Variants in SLC4A4 observed in about 807,000 individuals in gnomAD.
SLC4A4 encodes solute carrier family 4 member 4.
SLC4A4 carries 27 observed loss-of-function variants against 111.5 expected under a neutral mutation model. The observed-to-expected ratio is 0.24, with a 90% CI of 0.18 to 0.33. The LOEUF (loss-of-function observed/expected upper bound fraction) is 0.33, where lower values mean the gene tolerates loss of function less well. Among genes scored for constraint, SLC4A4 ranks in the 10% least tolerant of loss-of-function variants. The pLI is 1.00. For synonymous variants in SLC4A4, 443 were observed against 463.4 expected, an observed-to-expected ratio of 0.96 and a Z score of 0.57; for missense variants, 909 against 1,315.5, an observed-to-expected ratio of 0.69 and a Z score of 4.78.
rs1330249259 is a variant in SLC4A4, at chr4:71,568,287, CTT to C, written c.*538_*539del. The C allele has an allele frequency of 5.9e-6, 1 of 169,476 alleles. No individual in the cohort carries two copies. Among genetic ancestry groups the C allele is most frequent in the Non-Finnish European group, 1.2e-5 (1 of 80,128 alleles). 10.5% of individuals were successfully genotyped at this position (169,476 alleles called of 1,614,324 possible). On this transcript the variant is annotated 3_prime_UTR_variant, in exon 26 of 26. Transcript: ENST00000264485. The stretch of plus-strand genomic sequence containing the variant: ...TTTGGAGCTGTGCTTACTGGCTTGT[CTT>C]TGTCTGGTAGAACAAACCTTGACCT...
chr4:71,272,053 C>T (rs1324961885), intron 3 of SLC4A4, among the ~76,000 whole-genome samples: 1 of 152,212 alleles, frequency 6.6e-6, no homozygotes, highest in Non-Finnish European at 1.5e-5. Flanking sequence ...CCTCACCATT[C>T]TATTCATGCT....
At chr4:71,406,738 C>T (rs1469464943) in intron 7 of SLC4A4, among the ~76,000 whole-genome samples, 1 of 149,978 alleles carries the variant, frequency 6.7e-6, no homozygotes, top group Non-Finnish European at 1.5e-5. Context: ...AGATGACATT[C>T]CTGACTAATC....
chr4:71,403,809 C>T (rs954337905), intron 7 of SLC4A4, among the ~76,000 whole-genome samples: 6 of 152,108 alleles, frequency 3.9e-5, no homozygotes, highest in Non-Finnish European at 5.9e-5. Context: ...AAAAAGCTCA[C>T]TGGAGATGCA....
intron 6 of SLC4A4, among the ~76,000 whole-genome samples, chr4:71,361,273 C>G (rs1365953149): frequency 6.6e-6 from 1 of 152,198 alleles, no homozygotes; most frequent in Non-Finnish European, 1.5e-5. Context: ...ACATCCACTA[C>G]CAGCACACTA....
intron 19 of SLC4A4, 114 bp downstream of exon 19, chr4:71,546,642 A>G: frequency 2.2e-6 from 2 of 922,914 alleles, no homozygotes; most frequent in Non-Finnish European, 1.7e-6. Context: ...TGATTAATTT[A>G]TTCCTATATT....
chr4:71,170,729 T>C (rs916588844), intron 2 of SLC4A4, among the ~76,000 whole-genome samples: 2 of 152,176 alleles, frequency 1.3e-5, no homozygotes, highest in African/African-American at 4.8e-5. Flanking sequence ...AAGAAACATA[T>C]ACCAAAAGCC....
At chr4:71,424,985 T>TAAA (rs1401846892) in intron 7 of SLC4A4, among the ~76,000 whole-genome samples, 33 of 151,498 alleles carry the variant, frequency 2.2e-4, no homozygotes, top group Non-Finnish European at 2.9e-5. Context: ...AAACTTAAAG[T>TAAA]ATAATAATAA....
At chr4:71,546,987 G>A (rs910788517) in intron 19 of SLC4A4, among the ~76,000 whole-genome samples, 1 of 151,972 alleles carries the variant, frequency 6.6e-6, no homozygotes, top group Non-Finnish European at 1.5e-5. Context: ...GCTGTGAAGG[G>A]CAGGAGTAGA....
At chr4:71,123,539 G>A (rs1743487657) in intron 2 of SLC4A4, among the ~76,000 whole-genome samples, 1 of 152,104 alleles carries the variant, frequency 6.6e-6, no homozygotes, top group African/African-American at 2.4e-5. Context: ...TTGTAGGGAA[G>A]AAGAGCTTTT....
intron 2 of SLC4A4, among the ~76,000 whole-genome samples, chr4:71,243,830 A>G (rs1720431136): frequency 6.6e-6 from 1 of 152,192 alleles, no homozygotes; most frequent in Admixed American, 6.6e-5. Flanking sequence ...CAATGTGTGT[A>G]CCTTTCTTCA....
chr4:71,457,045 C>T (rs1726333904), intron 12 of SLC4A4, among the ~76,000 whole-genome samples: 1 of 152,074 alleles, frequency 6.6e-6, no homozygotes, highest in South Asian at 2.1e-4. Flanking sequence ...TATTGTCAGG[C>T]TACAAATAGA....
chr4:71,501,210 G>C (rs190822406), intron 16 of SLC4A4, among the ~76,000 whole-genome samples: 1 of 151,936 alleles, frequency 6.6e-6, no homozygotes, highest in East Asian at 1.9e-4. Context: ...TTATTCTTTT[G>C]TAGCTATTGT....
intron 1 of SLC4A4, among the ~76,000 whole-genome samples, chr4:71,073,068 T>G (rs1316010043): frequency 3.3e-5 from 5 of 152,120 alleles, no homozygotes; most frequent in Admixed American, 3.3e-4. Context: ...TGCCCAGCCT[T>G]CCTTTGGATT....
intron 2 of SLC4A4, among the ~76,000 whole-genome samples, chr4:71,145,927 T>A (rs1043838519): frequency 1.4e-5 from 2 of 148,140 alleles, no homozygotes; most frequent in African/African-American, 2.4e-5. Context: ...TTTTGAAGGG[T>A]TTTTTGTGTC....
At chr4:71,229,286 A>G (rs975040958) in intron 1 of SLC4A4, among the ~76,000 whole-genome samples, 2 of 152,222 alleles carry the variant, frequency 1.3e-5, no homozygotes, top group African/African-American at 4.8e-5. Context: ...GATGTACCAT[A>G]GTTTAACCAC....
intron 2 of SLC4A4, among the ~76,000 whole-genome samples, chr4:71,238,690 T>G (rs1182970797): frequency 3.3e-5 from 5 of 152,234 alleles, no homozygotes; most frequent in Admixed American, 3.3e-4. Context: ...CTTTCAACAG[T>G]GCTGACTGTC....
chr4:71,261,597 G>A (rs1721857422), intron 3 of SLC4A4, among the ~76,000 whole-genome samples: 1 of 152,186 alleles, frequency 6.6e-6, no homozygotes, highest in African/African-American at 2.4e-5. Context: ...GAATACAAGA[G>A]GACTGTGTCA....
intron 1 of SLC4A4, among the ~76,000 whole-genome samples, chr4:71,231,913 G>T (rs1335777504): frequency 6.6e-6 from 1 of 152,180 alleles, no homozygotes; most frequent in Non-Finnish European, 1.5e-5. Flanking sequence ...GCAAGCAACT[G>T]CTGAGAGGAT....
chr4:71,511,008 C>T (rs894862776), intron 16 of SLC4A4, among the ~76,000 whole-genome samples: 6 of 152,078 alleles, frequency 3.9e-5, no homozygotes, highest in Admixed American at 1.3e-4. Context: ...TACTTTATAT[C>T]TCCCCCAATA....
Sources: allele counts gnomAD v4.1 joint callset (sites outside exome capture counted in the v4.1 genomes callset), GRCh38; gene constraint gnomAD v4.1.1; transcripts MANE v1.5; gene names NCBI Gene and HGNC (gene_info 2026-07-23, HGNC 2026-07-21).